Variants in FNDC3A observed in about 807,000 individuals in gnomAD.
FNDC3A encodes the protein fibronectin type III domain containing 3A.
In FNDC3A, 32 loss-of-function variants were observed where a neutral mutation model predicts 148.9. The observed-to-expected ratio is 0.21, with a 90% CI of 0.16 to 0.29. FNDC3A has a LOEUF of 0.29. Among genes scored for constraint, FNDC3A ranks in the 10% least tolerant of loss-of-function variants. The pLI, the probability that FNDC3A is intolerant of heterozygous loss-of-function variation, is 1.00. For missense variants in FNDC3A, 1,191 were observed against 1,452.8 expected (o/e 0.82, Z 2.93); for synonymous variants, 472 against 473.6 (o/e 1.00, Z 0.04).
intron 2 of FNDC3A, among the ~76,000 whole-genome samples, chr13:49,052,393 C>T (rs1362750952): frequency 6.6e-6 from 1 of 152,076 alleles, no homozygotes; most frequent in East Asian, 1.9e-4. Context: ...GTGGTATTCT[C>T]CCTGTTGTCT....
At chr13:49,021,856 T>G (rs916888154) in intron 2 of FNDC3A, among the ~76,000 whole-genome samples, 1 of 152,244 alleles carries the variant, frequency 6.6e-6, no homozygotes, top group African/African-American at 2.4e-5. Flanking sequence ...GCCAGTTCTC[T>G]ATGTAATACA....
At chr13:49,201,639 ATTTAT>A (rs1886423139) in intron 23 of FNDC3A, among the ~76,000 whole-genome samples, 156 bp from the exon 24 acceptor site, 1 of 152,116 alleles carries the variant, frequency 6.6e-6, no homozygotes, top group South Asian at 2.1e-4. Flanking sequence ...TGAAAAACAG[ATTTAT>A]TTTAAGTGAC....
At chr13:49,199,264 T>C (rs1886308019) in intron 23 of FNDC3A, among the ~76,000 whole-genome samples, 1 of 151,152 alleles carries the variant, frequency 6.6e-6, no homozygotes, top group African/African-American at 2.4e-5. Context: ...CAAGTGGTCC[T>C]CCCCGCTCAG....
chr13:49,134,666 A>G (rs969120024), intron 5 of FNDC3A, among the ~76,000 whole-genome samples: 10 of 151,822 alleles, frequency 6.6e-5, no homozygotes, highest in Non-Finnish European at 1.5e-4. Context: ...CCAAAACTTG[A>G]TATCGTCTGT....
intron 3 of FNDC3A, among the ~76,000 whole-genome samples, chr13:49,077,527 T>C (rs1481373471): frequency 1.3e-5 from 2 of 152,244 alleles, no homozygotes; most frequent in African/African-American, 2.4e-5. Context: ...TTAAAACTTT[T>C]AGCCTGACAT....
At chr13:49,108,685 G>C (rs1361950928) in intron 3 of FNDC3A, among the ~76,000 whole-genome samples, 1 of 152,178 alleles carries the variant, frequency 6.6e-6, no homozygotes, top group Non-Finnish European at 1.5e-5. Flanking sequence ...TAAGAAGGTG[G>C]GCTGCAGAGG....
At chr13:49,188,892 T>G (rs1885731160) in intron 17 of FNDC3A, among the ~76,000 whole-genome samples, 1 of 152,224 alleles carries the variant, frequency 6.6e-6, no homozygotes, top group South Asian at 2.1e-4. Flanking sequence ...GAGAAAATTT[T>G]ATAAAGATAA....
At position 49,063,349 on chromosome 13, in the gene FNDC3A, G is replaced by GT. The variant is rs77897987; in HGVS notation, c.100-11930dup. Reference sequence around the variant, plus strand: ...AAATATACTAAAAACATTTAGGTAAGTTTTTTTTTTAAAATAATCATGTAA... The same window carrying GT: ...AAATATACTAAAAACATTTAGGTAAGTTTTTTTTTTTAAAATAATCATGTAA... On this transcript the variant is annotated intron_variant, in intron 2 of 25. Coordinates refer to ENST00000492622, the MANE Select transcript of FNDC3A (RefSeq NM_001079673.2). Among the ~76,000 whole-genome samples the GT allele has an allele frequency of 2.0e-3, 303 of 149,874 alleles. 2 individuals carry two copies. Among genetic ancestry groups the GT allele is most frequent in the Non-Finnish European group, 2.8e-3 (188 of 67,348 alleles).
At chr13:49,121,275 TA>T (rs1247465100) in intron 4 of FNDC3A, among the ~76,000 whole-genome samples, 1 of 152,102 alleles carries the variant, frequency 6.6e-6, no homozygotes, top group Non-Finnish European at 1.5e-5. Context: ...AAGGCAGAAA[TA>T]AAGATGTTCT....
At chr13:49,091,142 A>C (rs1448210159) in intron 3 of FNDC3A, among the ~76,000 whole-genome samples, 1 of 152,136 alleles carries the variant, frequency 6.6e-6, no homozygotes, top group Non-Finnish European at 1.5e-5. Context: ...ATAACAAAAA[A>C]CAGCCAACTC....
In FNDC3A at chr13:49,035,467, A is replaced by C. The variant is rs78015591; in HGVS notation, c.99+29178A>C. Among the ~76,000 whole-genome samples the C allele has an allele frequency of 3.0e-3, 458 of 152,220 alleles. 4 individuals are homozygous for C. Among genetic ancestry groups the C allele is most frequent in the African/African-American group, 0.01 (431 of 41,582 alleles). On this transcript the variant is annotated intron_variant, in intron 2 of 25. Transcript: ENST00000492622. ...TTTACCTTTGTAGAAAAGTCACTAC[A>C]GTTTACAGTTAAATTAAAAGCTGCA...
chr13:49,196,978 A>C lies in FNDC3A; in HGVS notation c.2328A>C (p.Gln776His), dbSNP rs769753114. ...QVTCRSATCA[Q>H]VNWEVPLSNG... is the part of the protein sequence containing the mutation. ...CATGTAGATCTGCAACTTGTGCACA[A>C]GTGAATTGGGAGGTATTGTAATTTC... Residue 776 changes from glutamine (Q) to histidine (H), a missense_variant, in exon 20 of 26, where the codon CAA becomes CAC. Transcript: ENST00000492622. 1 of 1,603,332 alleles carries C rather than the reference A, an allele frequency of 6.2e-7. No homozygotes were observed. Among genetic ancestry groups the C allele is most frequent in the South Asian group, 1.1e-5 (1 of 90,208 alleles).
At chr13:49,018,007 C>T (rs1317394510) in intron 2 of FNDC3A, among the ~76,000 whole-genome samples, 1 of 152,008 alleles carries the variant, frequency 6.6e-6, no homozygotes, top group African/African-American at 2.4e-5. Context: ...TTGGGTAACC[C>T]GACCCTTCTC....
At chr13:48,976,582 T>TCGGGGGCGGGGGCGGGGG (rs973621791) in intron 1 of FNDC3A, 5 of 151,838 alleles carry the variant, frequency 3.3e-5, no homozygotes, top group Admixed American at 2.6e-4. Flanking sequence ...TCCGGAGGGC[T>TCGGGGGCGGGGGCGGGGG]CGGGGGCGGG....
chr13:49,129,080 C>T (rs1881875889), intron 4 of FNDC3A, among the ~76,000 whole-genome samples: 1 of 152,210 alleles, frequency 6.6e-6, no homozygotes, highest in East Asian at 1.9e-4. Context: ...GTGGGTTCCC[C>T]ACAAATATTT....
intron 8 of FNDC3A, among the ~76,000 whole-genome samples, chr13:49,159,466 G>T (rs1008978574): frequency 9.9e-5 from 15 of 152,144 alleles, no homozygotes; most frequent in Admixed American, 3.3e-4. Context: ...GCACATTGAT[G>T]TTGTATCCTG....
At chr13:49,100,592 A>T (rs1879799815) in intron 3 of FNDC3A, among the ~76,000 whole-genome samples, 1 of 152,138 alleles carries the variant, frequency 6.6e-6, no homozygotes, top group South Asian at 2.1e-4. Context: ...ATCTTTTATA[A>T]TGTTTGAAGT....
At chr13:49,123,541 A>T (rs1320147828) in intron 4 of FNDC3A, among the ~76,000 whole-genome samples, 1 of 152,110 alleles carries the variant, frequency 6.6e-6, no homozygotes, top group East Asian at 1.9e-4. Flanking sequence ...AGCAAAAGAA[A>T]CTATAATCAA....
At chr13:49,080,865 A>G (rs192467895) in intron 3 of FNDC3A, among the ~76,000 whole-genome samples, 261 of 152,310 alleles carry the variant, frequency 1.7e-3, no homozygotes, top group African/African-American at 6.1e-3. Flanking sequence ...GTTCCTCTAG[A>G]TATCATCTGT....
Sources: gnomAD v4.1 joint callset for allele counts (sites outside exome capture counted in the v4.1 genomes callset) on GRCh38, gnomAD v4.1.1 for gene constraint, MANE v1.5 for transcripts, NCBI Gene and HGNC (gene_info 2026-07-23, HGNC 2026-07-21) for gene names.